The following PDK4 variants were observed in gnomAD, a reference collection of about 807,000 sequenced individuals.
PDK4 encodes the protein pyruvate dehydrogenase kinase, isozyme 4.
In PDK4, 43 loss-of-function variants were observed where a neutral mutation model predicts 51.7. That is an observed-to-expected ratio of 0.83 (90% CI 0.65 to 1.07). PDK4 has a LOEUF of 1.07. Among genes scored for constraint, PDK4 ranks in the 50% least tolerant of loss-of-function variants. The pLI is 0.00. For synonymous variants in PDK4, 170 were observed against 176.6 expected (o/e 0.96, Z 0.30); for missense variants, 498 against 503.5 (o/e 0.99, Z 0.10).
chr7:95,595,222 A>G (rs1791603784), intron 1 of PDK4, 58 bp from the exon 2 acceptor site: 3 of 1,132,342 alleles, frequency 2.6e-6, no homozygotes, highest in African/African-American at 1.5e-5. Context: ...TGATATATCT[A>G]AATAGCATTA....
rs1791507172 is a variant in PDK4 at position 95,587,886 on chromosome 7, T to C, written c.772-61A>G. On this transcript the variant is annotated intron_variant, in intron 7 of 10. Coordinates refer to ENST00000005178, the MANE Select transcript of PDK4 (RefSeq NM_002612.4). ...GAGGAATGAGGGACAATAAATGTTT[T>C]TTTTTTTATGTTTAAAATAAAAGTA... The C allele has an allele frequency of 3.7e-6, 4 of 1,070,626 alleles. No individual in the cohort carries two copies. The East Asian group carries it at 9.6e-5, about 26-fold the overall frequency. The allele number at this position is 1,070,626 out of a possible 1,614,324, so 66.3% of individuals were successfully genotyped here.
rs748983254 is a variant in PDK4 at position 95,595,020 on chromosome 7, T to C, written c.272+3A>G. The C allele has an allele frequency of 1.2e-6, 2 of 1,605,848 alleles. No homozygotes were observed. Among genetic ancestry groups the C allele is most frequent in the Admixed American group, 3.4e-5 (2 of 59,534 alleles). Reference sequence around the variant, plus strand: ...AGAGACTTCAATATGGTTCACCACTTACCAGCTTTTAACCAATTGCACTGA... The same window carrying C: ...AGAGACTTCAATATGGTTCACCACTCACCAGCTTTTAACCAATTGCACTGA... On this transcript the variant is annotated splice_donor_region_variant and intron_variant, in intron 2 of 10. Transcript: ENST00000005178.
Position 95,585,769 on chromosome 7 carries a change from C to A in PDK4, c.1108G>T (p.Glu370Ter). 6.3e-7 allele frequency: 1 copy of A among 1,591,266 alleles called. No individual in the cohort carries two copies. The highest frequency in any genetic ancestry group is 8.6e-7 in the Non-Finnish European group (1 of 1,162,974). Residue 370 changes from glutamate (E) to a stop codon, truncating the protein, a stop_gained, in exon 11 of 11, where the codon GAG becomes TAG. Coordinates refer to ENST00000005178, the MANE Select transcript of PDK4 (RefSeq NM_002612.4). LOFTEE classifies it high-confidence loss of function. ...AAAACTGGAAGTTTTTCTATAGACT[C>A]AGAAGACAAAGCCTAAAAGAAAAGG... ...AIIYLKALSSESIEKLPVFNK... is the reference protein window; with the variant it reads ...AIIYLKALSS
At position 95,596,176 on chromosome 7, in the gene PDK4, G is replaced by C; in HGVS notation, c.118C>G (p.Leu40Val). ...YSPSPLSMKQLLDFGSENACE... is the reference protein window; with the variant it reads ...YSPSPLSMKQVLDFGSENACE... ...TGTCCCCTCTCACCAAAGTCCAGTA[G>C]CTGCTTCATGGACAGCGGGGACGGG... The change falls in exon 1 of 11, where the codon CTA becomes GTA. Residue 40 changes from leucine to valine, a missense_variant. By Grantham distance (32) the Leu-to-Val change is conservative. Coordinates refer to ENST00000005178, the MANE Select transcript of PDK4 (RefSeq NM_002612.4). The C allele has an allele frequency of 1.2e-6, 2 of 1,603,406 alleles. No individual in the cohort carries two copies. The highest frequency in any genetic ancestry group is 1.7e-6 in the Non-Finnish European group (2 of 1,175,314).
Position 95,592,514 on chromosome 7 carries a change from G to C in PDK4, c.613C>G (p.Gln205Glu), listed in dbSNP as rs777500832. Residue 205 changes from glutamine to glutamate, a missense_variant, in exon 5 of 11, where the codon CAA becomes GAA. Physicochemically the swap from Gln to Glu is conservative, Grantham distance 29. Coordinates refer to ENST00000005178, the MANE Select transcript of PDK4 (RefSeq NM_002612.4). ...AGTGCAGAAATACAGAACATACCTT[G>C]GACCACTGCTACCACATCACAGTTA... ...DPNCDVVAVV[Q>E]DAFECSRMLC... is the part of the protein sequence containing the mutation. 1.3e-6 allele frequency: 2 copies of C among 1,580,082 alleles called. No homozygotes were observed. Among genetic ancestry groups the C allele is most frequent in the Non-Finnish European group, 1.7e-6 (2 of 1,149,144 alleles).
chr7:95,592,855 C>T lies in PDK4; in HGVS notation c.434G>A (p.Cys145Tyr). ...TTGATTGGTGACTGGGTCAACTGTACAGGCATCTTTATACTCTATGATTCC... is the reference window on the plus strand; with the variant it reads ...TTGATTGGTGACTGGGTCAACTGTATAGGCATCTTTATACTCTATGATTCC... ...AQGIIEYKDA[C>Y]TVDPVTNQNL... is the part of the protein sequence containing the mutation. Residue 145 changes from cysteine to tyrosine, a missense_variant, in exon 4 of 11, where the codon TGT (cysteine) becomes TAT (tyrosine). Coordinates refer to ENST00000005178, the MANE Select transcript of PDK4 (RefSeq NM_002612.4). 6.2e-7 allele frequency: 1 copy of T among 1,611,396 alleles called. No homozygotes were observed. Among genetic ancestry groups the T allele is most frequent in the Non-Finnish European group, 8.5e-7 (1 of 1,177,666 alleles).
intron 6 of PDK4, among the ~76,000 whole-genome samples, chr7:95,590,431 A>C (rs1791537913): frequency 6.6e-6 from 1 of 152,196 alleles, no homozygotes; most frequent in Non-Finnish European, 1.5e-5. Flanking sequence ...AAAGAAAAAT[A>C]AAAAGTAAAA....
At chr7:95,589,173 AACTACTG>A (rs1232531025) in intron 7 of PDK4, among the ~76,000 whole-genome samples, 1 of 152,180 alleles carries the variant, frequency 6.6e-6, no homozygotes, top group Non-Finnish European at 1.5e-5. Flanking sequence ...TGATTGAAGG[AACTACTG>A]ACTGTGCTCT....
chr7:95,596,005 A>G (rs1037632947), intron 1 of PDK4, among the ~76,000 whole-genome samples, 159 bp downstream of exon 1: 4 of 152,188 alleles, frequency 2.6e-5, no homozygotes, highest in Non-Finnish European at 4.4e-5. Context: ...AACCAAATCT[A>G]GGAAAAGGAA....
chr7:95,593,750 T>A lies in PDK4; in HGVS notation c.293A>T (p.Asp98Val). 1 of 1,559,094 alleles carries A rather than the reference T, an allele frequency of 6.4e-7. No homozygotes were observed. The highest frequency in any genetic ancestry group is 8.8e-7 in the Non-Finnish European group (1 of 1,130,198). ...VKSWYIQSLM[D>V]LVEFHEKSPD... ...GCTTTTCTCATGGAATTCCACCAAA[T>A]CCATCAGGCTCTGTATATACCTGTA... Residue 98 changes from aspartate (D) to valine (V), a missense_variant, in exon 3 of 11, where the codon GAT becomes GTT. Coordinates refer to ENST00000005178, the MANE Select transcript of PDK4 (RefSeq NM_002612.4).
At chr7:95,593,795 A>T (rs955374914) in intron 2 of PDK4, 25 bp from the exon 3 acceptor site, 1 of 1,126,074 alleles carries the variant, frequency 8.9e-7, no homozygotes, top group Non-Finnish European at 1.3e-6. Context: ...GTATGCTTTA[A>T]GTTTTAAAAT....
intron 6 of PDK4, among the ~76,000 whole-genome samples, chr7:95,590,688 CTT>C (rs1791542103): frequency 6.6e-6 from 1 of 152,160 alleles, no homozygotes; most frequent in South Asian, 2.1e-4. Flanking sequence ...TTAGGCTACT[CTT>C]TGAGCAACTT....
Position 95,584,073 on chromosome 7 carries a change from T to C in PDK4, c.*1568A>G, listed in dbSNP as rs1363694100. The C allele has an allele frequency of 6.6e-6, 1 of 152,184 alleles. No individual in the cohort carries two copies. The highest frequency in any genetic ancestry group is 1.5e-5 in the Non-Finnish European group (1 of 68,026). 9.4% of individuals were successfully genotyped at this position (152,184 alleles called of 1,614,324 possible). A position where few individuals can be genotyped will look rare whatever the true frequency, so the allele number is the denominator to read the frequency against. Reference sequence around the variant, plus strand: ...GTCAAATTCAACATATAAACCATACTGATTATTTTACAATGCAGAAAAATC... The same window carrying C: ...GTCAAATTCAACATATAAACCATACCGATTATTTTACAATGCAGAAAAATC... On this transcript the variant is annotated 3_prime_UTR_variant, in exon 11 of 11. Transcript: ENST00000005178.
Position 95,585,472 on chromosome 7 carries a change from C to G in PDK4, c.*169G>C, listed in dbSNP as rs1264887921. On this transcript the variant is annotated 3_prime_UTR_variant, in exon 11 of 11. Transcript: ENST00000005178. The stretch of plus-strand genomic sequence containing the variant: ...CTCCTGTAGTCTTGCACTAAGTTCT[C>G]CTGGGTCACAGAAACAAGCTCCATT... 1 of 507,588 alleles carries G rather than the reference C, an allele frequency of 2.0e-6. No homozygotes were observed. 31.4% of individuals were successfully genotyped at this position (507,588 alleles called of 1,614,324 possible).
intron 6 of PDK4, among the ~76,000 whole-genome samples, chr7:95,591,777 CTTTA>C (rs1391417580): frequency 6.6e-6 from 1 of 152,124 alleles, no homozygotes; most frequent in African/African-American, 2.4e-5. Flanking sequence ...AAACATTCTT[CTTTA>C]TGAATCCTCA....
intron 3 of PDK4, 57 bp from the exon 4 acceptor site, chr7:95,593,001 T>G (rs1312785796): frequency 2.5e-6 from 3 of 1,202,684 alleles, no homozygotes; most frequent in African/African-American, 3.0e-5. Flanking sequence ...TCACTTATAC[T>G]CCTAAGGTTA....
intron 7 of PDK4, among the ~76,000 whole-genome samples, chr7:95,589,366 C>T (rs143358185): frequency 5.4e-4 from 82 of 152,236 alleles, no homozygotes; most frequent in African/African-American, 2.0e-3. Flanking sequence ...CTTTAATGGG[C>T]ACCTGAAAAA....
chr7:95,593,913 A>G (rs2116719288), intron 2 of PDK4, 143 bp from the exon 3 acceptor site: 1 of 421,964 alleles, frequency 2.4e-6, no homozygotes, highest in East Asian at 3.5e-5. Flanking sequence ...GAACATTTGG[A>G]AAATAATATA....
chr7:95,592,505 A>G lies in PDK4; in HGVS notation c.616+6T>C, dbSNP rs1476942359. ...AATAAGGGAAGTGCAGAAATACAGA[A>G]CATACCTTGGACCACTGCTACCACA... On this transcript the variant is annotated splice_donor_region_variant and intron_variant, in intron 5 of 10. Coordinates refer to ENST00000005178, the MANE Select transcript of PDK4 (RefSeq NM_002612.4). The G allele has an allele frequency of 1.3e-6, 2 of 1,546,014 alleles. No homozygotes were observed. The highest frequency in any genetic ancestry group is 1.8e-6 in the Non-Finnish European group (2 of 1,117,974).
Sources: allele counts gnomAD v4.1 joint callset (sites outside exome capture counted in the v4.1 genomes callset), GRCh38; gene constraint gnomAD v4.1.1; transcripts MANE v1.5; gene names NCBI Gene and HGNC (gene_info 2026-07-23, HGNC 2026-07-21).